DCST1: variants seen among roughly 807,000 people sequenced by gnomAD.
The protein encoded by DCST1 is E3 ubiquitin-protein ligase DCST1.
A neutral mutation model predicts 89.1 loss-of-function variants in DCST1; 78 were observed. The ratio of observed to expected loss-of-function variants is 0.88; its 90% CI spans 0.73 to 1.06. The LOEUF is 1.06. Among genes scored for constraint, DCST1 ranks in the 50% least tolerant of loss-of-function variants. The pLI, the probability that DCST1 is intolerant of heterozygous loss-of-function variation, is 0.00. For missense variants in DCST1, 900 were observed against 928.6 expected, an observed-to-expected ratio of 0.97 and a Z score of 0.40; for synonymous variants, 364 against 371.9, an observed-to-expected ratio of 0.98 and a Z score of 0.24.
At chr1:155,045,357 C>G (rs976355184) in intron 10 of DCST1, 1 of 187,150 alleles carries the variant, frequency 5.3e-6, no homozygotes, top group African/African-American at 2.4e-5. Flanking sequence ...GCACCGTGCT[C>G]AAGGGTAGCC....
intron 8 of DCST1, among the ~76,000 whole-genome samples, chr1:155,042,247 C>T (rs1025755022): frequency 5.9e-5 from 9 of 151,922 alleles, no homozygotes; most frequent in Non-Finnish European, 8.8e-5. Context: ...TACAGGTGGC[C>T]GCCACCATGC....
intron 16 of DCST1, chr1:155,049,410 G>C (rs1660779528): frequency 4.6e-6 from 1 of 217,452 alleles, no homozygotes; most frequent in African/African-American, 2.6e-5. Flanking sequence ...CATGACAATT[G>C]AATTGAATTT....
intron 15 of DCST1, 45 bp from the exon 16 acceptor site, chr1:155,048,012 T>C (rs950297443): frequency 4.3e-6 from 7 of 1,613,022 alleles, no homozygotes; most frequent in South Asian, 1.1e-5. Context: ...AACTCCATAT[T>C]TGGGGGATGC....
At chr1:155,040,696 G>C in intron 6 of DCST1, 72 bp downstream of exon 6, 1 of 1,483,424 alleles carries the variant, frequency 6.7e-7, no homozygotes, top group Admixed American at 2.4e-5. Flanking sequence ...GCTGGGAGTT[G>C]TCACCCTGGA....
At chr1:155,049,578 C>A (rs894670679) in intron 16 of DCST1, among the ~76,000 whole-genome samples, 1 of 152,092 alleles carries the variant, frequency 6.6e-6, no homozygotes, top group Admixed American at 6.5e-5. Context: ...CCACGCCCGG[C>A]TAATTTAGAA....
Position 155,050,922 on chromosome 1 carries a change from T to A in DCST1, c.*54T>A. 5.1e-6 allele frequency: 8 copies of A among 1,578,632 alleles called. No individual in the cohort carries two copies. Among genetic ancestry groups the A allele is most frequent in the Non-Finnish European group, 6.9e-6 (8 of 1,156,054 alleles). ...GTCCTTCCCGGTTAATAAAATGCCC[T>A]GTACGCTTCACGTGGGTCGGGGACT... On this transcript the variant is annotated 3_prime_UTR_variant, in exon 17 of 17. Coordinates refer to ENST00000295542, the MANE Select transcript of DCST1 (RefSeq NM_152494.4).
rs146174361 is a variant in DCST1 at position 155,043,423 on chromosome 1, C to T, written c.1086C>T (p.Tyr362=). 12,592 of 1,611,472 alleles carry T rather than the reference C, an allele frequency of 7.8e-3. 79 individuals carry two copies. Among genetic ancestry groups the T allele is most frequent in the Non-Finnish European group, 9.3e-3 (10,976 of 1,178,332 alleles). Residue 362 remains tyrosine, a synonymous_variant, in exon 10 of 17, where the codon TAC becomes TAT. Coordinates refer to ENST00000295542, the MANE Select transcript of DCST1 (RefSeq NM_152494.4). ...GCGTGAGCACCGAGGTGCGGGACTA[C>T]GTGTACCGCCAGGAGGCCCGGCTGG... ...WERVSTEVRD[Y]VYRQEARLEW...
chr1:155,042,518 G>A (rs536155164), intron 8 of DCST1, among the ~76,000 whole-genome samples: 1 of 152,336 alleles, frequency 6.6e-6, no homozygotes, highest in South Asian at 2.1e-4. Flanking sequence ...TTATGGTTGA[G>A]GATAGATTGA....
At chr1:155,043,303 G>T (rs1359763401) in intron 9 of DCST1, 49 bp from the exon 10 acceptor site, 2 of 1,613,072 alleles carry the variant, frequency 1.2e-6, no homozygotes, top group Non-Finnish European at 1.7e-6. Context: ...TGGGACCCAG[G>T]TCTGACGAGG....
At chr1:155,049,387 A>G in intron 16 of DCST1, 1 of 314,976 alleles carries the variant, frequency 3.2e-6, no homozygotes, top group Non-Finnish European at 5.8e-6. Flanking sequence ...TGATAATAAC[A>G]CTATCTGCCT....
chr1:155,049,833 G>A (rs1558113290), intron 16 of DCST1, among the ~76,000 whole-genome samples: 1 of 152,200 alleles, frequency 6.6e-6, no homozygotes. Flanking sequence ...TGACAGGGTC[G>A]TGAAGCAAAC....
At chr1:155,043,864 C>A (rs1460911812) in intron 10 of DCST1, among the ~76,000 whole-genome samples, 3 of 151,982 alleles carry the variant, frequency 2.0e-5, no homozygotes, top group Admixed American at 2.0e-4. Context: ...TTCCATTTTG[C>A]TTTCATTTTC....
chr1:155,034,790 T>C, intron 4 of DCST1, 63 bp downstream of exon 4: 1 of 1,572,246 alleles, frequency 6.4e-7, no homozygotes, highest in Non-Finnish European at 8.7e-7. Context: ...CCGTCCTGCA[T>C]GCCCAGGAAG....
chr1:155,047,937 C>G lies in DCST1; in HGVS notation c.1755+8C>G. 6.2e-7 allele frequency: 1 copy of G among 1,613,952 alleles called. No individual in the cohort carries two copies. Among genetic ancestry groups the G allele is most frequent in the Non-Finnish European group, 8.5e-7 (1 of 1,179,940 alleles). ...GCCTTCTACTTCCCCAAGGTTTGCC[C>G]CTCCCCAGACCTCTCCACCCCTACA... On this transcript the variant is annotated splice_region_variant and intron_variant, in intron 15 of 16. Transcript: ENST00000295542.
chr1:155,039,071 C>T (rs1266158912), intron 4 of DCST1, among the ~76,000 whole-genome samples: 1 of 152,182 alleles, frequency 6.6e-6, no homozygotes, highest in African/African-American at 2.4e-5. Context: ...CTCTCTGCTC[C>T]CTCAGCACCT....
intron 11 of DCST1, 38 bp from the exon 12 acceptor site, chr1:155,046,087 C>T: frequency 6.2e-7 from 1 of 1,614,014 alleles, no homozygotes; most frequent in South Asian, 1.1e-5. Context: ...GGCAGAGGGC[C>T]CTTGGGCTTC....
In DCST1 at chr1:155,040,494, C is replaced by T; in HGVS notation, c.401C>T (p.Ala134Val). The T allele has an allele frequency of 6.3e-7, 1 of 1,599,394 alleles. No homozygotes were observed. The highest frequency in any genetic ancestry group is 1.3e-5 in the African/African-American group (1 of 74,864). ...GGGCCTCTTTCTCCAGGGCCAGTAG[C>T]CAATCTGCGACACAATCTCAACAAC... Reference protein sequence around the residue: ...ALAAIYVGPVANLRHNLNNVI... With the variant: ...ALAAIYVGPVVNLRHNLNNVI... Residue 134 changes from alanine (A) to valine (V), a missense_variant, in exon 6 of 17, where the codon GCC becomes GTC. Coordinates refer to ENST00000295542, the MANE Select transcript of DCST1 (RefSeq NM_152494.4).
chr1:155,046,473 G>A lies in DCST1; in HGVS notation c.1482G>A (p.Gln494=). The change falls in exon 13 of 17, where the codon CAG becomes CAA. Residue 494 remains glutamine (Q), a synonymous_variant. Transcript: ENST00000295542. ...FDTIRHHSFL[Q]YSFRSSHKLE... ...CCATCCGCCACCACTCCTTCCTGCA[G>A]TACTCCTTCCGCAGTAAGCCCATCC... 6.2e-7 allele frequency: 1 copy of A among 1,613,980 alleles called. No homozygotes were observed. The highest frequency in any genetic ancestry group is 1.1e-5 in the South Asian group (1 of 91,080).
In DCST1 at chr1:155,048,133, C is replaced by T; in HGVS notation, c.1832C>T (p.Ala611Val). The change falls in exon 16 of 17, where the codon GCC becomes GTC. Residue 611 changes from alanine (A) to valine (V), a missense_variant. Transcript: ENST00000295542. ...KRAAFTKLRR[A>V]AILRRERQQK... ...GCAGCCTTCACCAAACTCAGGAGGG[C>T]CGCTATCCTGAGGCGGGAGCGACAG... 2 of 1,614,090 alleles carry T rather than the reference C, an allele frequency of 1.2e-6. No individual in the cohort carries two copies. Among genetic ancestry groups the T allele is most frequent in the Non-Finnish European group, 1.7e-6 (2 of 1,180,002 alleles).
Sources: allele counts gnomAD v4.1 joint callset (sites outside exome capture counted in the v4.1 genomes callset), GRCh38; gene constraint gnomAD v4.1.1; transcripts MANE v1.5; gene names NCBI Gene and HGNC (gene_info 2026-07-23, HGNC 2026-07-21).